Variants in PHETA1 observed in about 807,000 individuals in gnomAD.
PHETA1 encodes sesquipedalian-1.
For missense variants in PHETA1, 348 were observed against 373.5 expected (o/e 0.93, Z 0.56); for synonymous variants, 155 against 168.9 (o/e 0.92, Z 0.64).
chr12:111,366,588 G>T (rs1391763890), intron 1 of PHETA1, among the ~76,000 whole-genome samples: 1 of 152,096 alleles, frequency 6.6e-6, no homozygotes, highest in Admixed American at 6.6e-5. Context: ...GGCTGCTGTA[G>T]CCTCCTCATA....
At position 111,368,934 on chromosome 12, in the gene PHETA1, G is replaced by A. The variant is rs776264053; in HGVS notation, c.-204C>T. ...TACCTCGCAGCGCAGGCCTAGGGCGGCGACGGGACGGGAGGCGCGAGGTTG... is the reference window on the plus strand; with the variant it reads ...TACCTCGCAGCGCAGGCCTAGGGCGACGACGGGACGGGAGGCGCGAGGTTG... On this transcript the variant is annotated 5_prime_UTR_variant, in exon 1 of 3. Transcript: ENST00000683047. This position sits in a 1 kb window ranked among gnomAD's most constrained non-coding sequence, Gnocchi z 5.0. 6.6e-6 allele frequency: 1 copy of A among 152,542 alleles called. No individual in the cohort carries two copies. The highest frequency in any genetic ancestry group is 1.5e-5 in the Non-Finnish European group (1 of 68,228). The allele number at this position is 152,542 out of a possible 1,614,324, so 9.4% of individuals were successfully genotyped here.
chr12:111,365,557 T>C (rs1227218685), intron 2 of PHETA1: 1 of 455,608 alleles, frequency 2.2e-6, no homozygotes, highest in African/African-American at 2.0e-5. Context: ...ATGTGGTACA[T>C]ACACACCATG....
Position 111,362,432 on chromosome 12 carries a change from T to G in PHETA1, c.*246A>C. 9.6e-7 allele frequency: 1 copy of G among 1,040,860 alleles called. No homozygotes were observed. The highest frequency in any genetic ancestry group is 1.8e-5 in the South Asian group (1 of 56,716). 64.5% of individuals were successfully genotyped at this position (1,040,860 alleles called of 1,614,324 possible). On this transcript the variant is annotated 3_prime_UTR_variant, in exon 3 of 3. Transcript: ENST00000683047. ...GAAACCTCCCCCTCAGGCCCTGGAT[T>G]CTCCTTAGTGTTGCACGTGACGTTC...
chr12:111,362,663 G>A lies in PHETA1; in HGVS notation c.*15C>T, dbSNP rs957569142. 3.2e-6 allele frequency: 5 copies of A among 1,549,208 alleles called. No individual in the cohort carries two copies. The African/African-American group carries it at 4.1e-5, about 13-fold the overall frequency. On this transcript the variant is annotated 3_prime_UTR_variant, in exon 3 of 3. Coordinates refer to ENST00000683047, the MANE Select transcript of PHETA1 (RefSeq NM_144671.6). ...ATAGAGCTTGTGTCCCCCTAAAACAGGCGCCCTGGTGGCCTCAGGGCTGGA... is the reference window on the plus strand; with the variant it reads ...ATAGAGCTTGTGTCCCCCTAAAACAAGCGCCCTGGTGGCCTCAGGGCTGGA...
rs1213478114 is a variant in PHETA1, at chr12:111,360,804, CCT to C, written c.*1872_*1873del. 1 of 152,718 alleles carries C rather than the reference CCT, an allele frequency of 6.5e-6. No individual in the cohort carries two copies. The highest frequency in any genetic ancestry group is 1.5e-5 in the Non-Finnish European group (1 of 68,098). 9.5% of individuals were successfully genotyped at this position (152,718 alleles called of 1,614,324 possible). On this transcript the variant is annotated 3_prime_UTR_variant, in exon 3 of 3. Coordinates refer to ENST00000683047, the MANE Select transcript of PHETA1 (RefSeq NM_144671.6). Reference sequence around the variant, plus strand: ...GCTTTGGTAGGGGACATCCCTCACCCCTCTCTCCCAGGAGACCAGGGCCAACG... The same window carrying C: ...GCTTTGGTAGGGGACATCCCTCACCCCTCTCCCAGGAGACCAGGGCCAACG...
chr12:111,365,595 G>A (rs979618966), intron 2 of PHETA1: 1 of 454,704 alleles, frequency 2.2e-6, no homozygotes, highest in Non-Finnish European at 4.4e-6. Flanking sequence ...AAAAAGGAAT[G>A]AGATCATGTC....
rs971239300 is a variant in PHETA1, at chr12:111,361,753, T to G, written c.*925A>C. ...CCGCCACTAGGTCAGCACCTGGGCCTTCCTAGGCGGTGAGTCAGCTGGTGG... is the reference window on the plus strand; with the variant it reads ...CCGCCACTAGGTCAGCACCTGGGCCGTCCTAGGCGGTGAGTCAGCTGGTGG... On this transcript the variant is annotated 3_prime_UTR_variant, in exon 3 of 3. Transcript: ENST00000683047. 2.6e-6 allele frequency: 1 copy of G among 381,420 alleles called. No homozygotes were observed. Among genetic ancestry groups the G allele is most frequent in the Non-Finnish European group, 5.2e-6 (1 of 192,076 alleles). The allele number at this position is 381,420 out of a possible 1,614,324, so 23.6% of individuals were successfully genotyped here.
intron 1 of PHETA1, among the ~76,000 whole-genome samples, 167 bp from the exon 2 acceptor site, chr12:111,366,424 C>T (rs1234935575): frequency 6.6e-6 from 1 of 152,186 alleles, no homozygotes; most frequent in African/African-American, 2.4e-5. Context: ...GTTGTGCTTC[C>T]GATCTCAGCA....
At position 111,368,485 on chromosome 12, in the gene PHETA1, A is replaced by G. The variant is rs1236964114; in HGVS notation, c.-182+427T>C. Among the ~76,000 whole-genome samples, 1 of 152,168 alleles carries G rather than the reference A, an allele frequency of 6.6e-6. No individual in the cohort carries two copies. The highest frequency in any genetic ancestry group is 1.5e-5 in the Non-Finnish European group (1 of 68,020). On this transcript the variant is annotated intron_variant, in intron 1 of 2. Transcript: ENST00000683047. The surrounding 1 kb of genome is among the most constrained non-coding windows in gnomAD (Gnocchi z 5.0). ...AGAGCAGCCTGGCCGTCACCGCCCC[A>G]GCAGGGACCCCAGAGACACGCCAGC...
chr12:111,365,931 A>C (rs1327113731), intron 2 of PHETA1, among the ~76,000 whole-genome samples, 182 bp downstream of exon 2: 3 of 152,202 alleles, frequency 2.0e-5, no homozygotes, highest in East Asian at 1.9e-4. Flanking sequence ...TGGGAGGCCA[A>C]GGCCAGAGCC....
At position 111,362,326 on chromosome 12, in the gene PHETA1, G is replaced by A; in HGVS notation, c.*352C>T. ...TCGCCCTCAGTCCCAGTGACCCTCTGAGCTGCAGGCCCGGCAATGCCTGTT... is the reference window on the plus strand; with the variant it reads ...TCGCCCTCAGTCCCAGTGACCCTCTAAGCTGCAGGCCCGGCAATGCCTGTT... On this transcript the variant is annotated 3_prime_UTR_variant, in exon 3 of 3. Transcript: ENST00000683047. 1 of 496,188 alleles carries A rather than the reference G, an allele frequency of 2.0e-6. No homozygotes were observed. Among genetic ancestry groups the A allele is most frequent in the Non-Finnish European group, 3.7e-6 (1 of 272,158 alleles). The allele number at this position is 496,188 out of a possible 1,614,324, so 30.7% of individuals were successfully genotyped here.
chr12:111,365,598 ATCAT>A, intron 2 of PHETA1: 1 of 453,194 alleles, frequency 2.2e-6, no homozygotes, highest in South Asian at 1.6e-5. Flanking sequence ...AAGGAATGAG[ATCAT>A]GTCCTTTGCG....
rs138540991 is a variant in PHETA1 at position 111,368,499 on chromosome 12, A to G, written c.-182+413T>C. 3.7e-3 allele frequency among the ~76,000 whole-genome samples: 562 copies of G among 152,288 alleles called. 6 individuals carry two copies. Among genetic ancestry groups the G allele is most frequent in the African/African-American group, 0.013 (527 of 41,556 alleles). ...GTCACCGCCCCAGCAGGGACCCCAGAGACACGCCAGCACCGCCGTCCAGAC... is the reference window on the plus strand; with the variant it reads ...GTCACCGCCCCAGCAGGGACCCCAGGGACACGCCAGCACCGCCGTCCAGAC... On this transcript the variant is annotated intron_variant, in intron 1 of 2. Transcript: ENST00000683047. This position sits in a 1 kb window ranked among gnomAD's most constrained non-coding sequence, Gnocchi z 5.0.
chr12:111,365,415 T>A, intron 2 of PHETA1: 1 of 447,872 alleles, frequency 2.2e-6, no homozygotes, highest in South Asian at 1.6e-5. Flanking sequence ...GTGGAGGGGG[T>A]TGTCCTTGCC....
At position 111,367,709 on chromosome 12, in the gene PHETA1, C is replaced by T. The variant is rs1429427202; in HGVS notation, c.-182+1203G>A. 2.0e-5 allele frequency among the ~76,000 whole-genome samples: 3 copies of T among 152,248 alleles called. No homozygotes were observed. Among genetic ancestry groups the T allele is most frequent in the Non-Finnish European group, 4.4e-5 (3 of 68,042 alleles). ...AGCAGGCACAGGACCCAGCTCTGCC[C>T]ATGACCCCTGCCTCCACCAGAACTG... On this transcript the variant is annotated intron_variant, in intron 1 of 2. Transcript: ENST00000683047. The surrounding 1 kb of genome is among the most constrained non-coding windows in gnomAD (Gnocchi z 4.0).
rs1464458331 is a variant in PHETA1, at chr12:111,368,257, A to T, written c.-182+655T>A. ...CAAAAAGGCAAATAATTCATCCAAG[A>T]TCTCCAGGGGCACAGCTGGCCCCGG... On this transcript the variant is annotated intron_variant, in intron 1 of 2. Coordinates refer to ENST00000683047, the MANE Select transcript of PHETA1 (RefSeq NM_144671.6). This position sits in a 1 kb window ranked among gnomAD's most constrained non-coding sequence, Gnocchi z 5.0. Among the ~76,000 whole-genome samples the T allele has an allele frequency of 3.3e-5, 5 of 152,210 alleles. No homozygotes were observed. In the East Asian group the frequency reaches 9.7e-4, roughly 29 times the overall value.
At position 111,363,773 on chromosome 12, in the gene PHETA1, A is replaced by G. The variant is rs1451915657; in HGVS notation, c.-36-310T>C. On this transcript the variant is annotated intron_variant, in intron 2 of 2. Coordinates refer to ENST00000683047, the MANE Select transcript of PHETA1 (RefSeq NM_144671.6). The surrounding 1 kb of genome is among the most constrained non-coding windows in gnomAD (Gnocchi z 7.4). Reference sequence around the variant, plus strand: ...ATGAACTCACTTTATCTCACAATAGACCTTAGGTCACAGGGACTGGCCTGG... The same window carrying G: ...ATGAACTCACTTTATCTCACAATAGGCCTTAGGTCACAGGGACTGGCCTGG... 7.1e-7 allele frequency: 1 copy of G among 1,398,970 alleles called. No homozygotes were observed. Among genetic ancestry groups the G allele is most frequent in the East Asian group, 3.5e-5 (1 of 28,368 alleles). 86.7% of individuals were successfully genotyped at this position (1,398,970 alleles called of 1,614,324 possible). A position where few individuals can be genotyped will look rare whatever the true frequency, so the allele number is the denominator to read the frequency against.
rs1335504856 is a variant in PHETA1 at position 111,367,989 on chromosome 12, T to A, written c.-182+923A>T. Reference sequence around the variant, plus strand: ...GTCGTTTCACCTTTCCAAGTCTCAGTGTCCTCATCTGTTAAATTGGGCTGT... The same window carrying A: ...GTCGTTTCACCTTTCCAAGTCTCAGAGTCCTCATCTGTTAAATTGGGCTGT... On this transcript the variant is annotated intron_variant, in intron 1 of 2. Transcript: ENST00000683047. The surrounding 1 kb of genome is among the most constrained non-coding windows in gnomAD (Gnocchi z 4.0). Among the ~76,000 whole-genome samples, 4 of 152,216 alleles carry A rather than the reference T, an allele frequency of 2.6e-5. No homozygotes were observed. Among genetic ancestry groups the A allele is most frequent in the African/African-American group, 7.2e-5 (3 of 41,450 alleles).
chr12:111,365,958 G>C (rs1291567892), intron 2 of PHETA1, among the ~76,000 whole-genome samples, 155 bp downstream of exon 2: 1 of 152,212 alleles, frequency 6.6e-6, no homozygotes, highest in African/African-American at 2.4e-5. Context: ...GTCTCCAGGT[G>C]TTGAATCCCC....
Sources: allele counts gnomAD v4.1 joint callset (sites outside exome capture counted in the v4.1 genomes callset), GRCh38; gene constraint gnomAD v4.1.1; non-coding constraint Gnocchi (gnomAD v3.1); transcripts MANE v1.5; gene names NCBI Gene and HGNC (gene_info 2026-07-23, HGNC 2026-07-21).